The following LRP1B variants were observed in gnomAD, a reference collection of about 807,000 sequenced individuals.
LRP1B encodes the protein low-density lipoprotein receptor-related protein 1B.
Under a neutral mutation model 556.6 loss-of-function variants are expected in LRP1B, and 217 were observed. That is an observed-to-expected ratio of 0.39 (90% confidence interval 0.35 to 0.44). The LOEUF (loss-of-function observed/expected upper bound fraction) is 0.44. Among genes scored for constraint, LRP1B ranks in the 20% least tolerant of loss-of-function variants. The pLI, the probability that LRP1B is intolerant of heterozygous loss-of-function variation, is 1.00. For synonymous variants in LRP1B, 2,047 were observed against 1,865.8 expected (o/e 1.10, Z -2.50); for missense variants, 5,053 against 5,620.8 (o/e 0.90, Z 3.23).
intron 2 of LRP1B, among the ~76,000 whole-genome samples, chr2:141,669,587 C>T (rs1035118935): frequency 1.3e-5 from 2 of 152,022 alleles, no homozygotes; most frequent in Non-Finnish European, 2.9e-5. Flanking sequence ...CCTTTCATTG[C>T]AATTATTTAT....
chr2:142,029,096 C>T (rs902861194), intron 1 of LRP1B, among the ~76,000 whole-genome samples: 3 of 151,774 alleles, frequency 2.0e-5, no homozygotes, highest in African/African-American at 7.2e-5. Flanking sequence ...ATGACTCTCC[C>T]TCTTCTGTCC....
At chr2:140,583,171 C>CTTTTCTTTTTT (rs1553491151) in intron 43 of LRP1B, among the ~76,000 whole-genome samples, 29 of 48,020 alleles carry the variant, frequency 6.0e-4, no homozygotes, top group African/African-American at 1.5e-3. Flanking sequence ...CCTTTTTTTT[C>CTTTTCTTTTTT]TTTTTTTTTT....
intron 2 of LRP1B, among the ~76,000 whole-genome samples, chr2:141,702,621 G>C (rs1574260901): frequency 6.6e-6 from 1 of 151,984 alleles, no homozygotes; most frequent in East Asian, 1.9e-4. Flanking sequence ...CAGGTTAGTA[G>C]GGAGCTAGTG....
At chr2:141,284,573 A>G (rs1324707044) in intron 3 of LRP1B, among the ~76,000 whole-genome samples, 1 of 152,192 alleles carries the variant, frequency 6.6e-6, no homozygotes, top group African/African-American at 2.4e-5. Flanking sequence ...TAGTTAAAAG[A>G]TTTCCTCTAA....
chr2:140,892,386 T>C (rs985639836), intron 23 of LRP1B, among the ~76,000 whole-genome samples: 1 of 152,100 alleles, frequency 6.6e-6, no homozygotes, highest in Non-Finnish European at 1.5e-5. Context: ...GAAAAGGCAG[T>C]AATCTTAATA....
At chr2:141,056,751 CCTGT>C (rs2105458873) in intron 9 of LRP1B, among the ~76,000 whole-genome samples, 1 of 151,966 alleles carries the variant, frequency 6.6e-6, no homozygotes, top group African/African-American at 2.4e-5. Context: ...TTAAATGTGA[CCTGT>C]CTGTCAATGA....
At chr2:141,639,408 G>GTATA (rs200740931) in intron 2 of LRP1B, among the ~76,000 whole-genome samples, 511 of 44,370 alleles carry the variant, frequency 0.012, 12 homozygotes, top group Non-Finnish European at 0.017. Flanking sequence ...ATATATATGT[G>GTATA]TATATATATA....
At chr2:141,272,183 T>C (rs2679442) in intron 3 of LRP1B, among the ~76,000 whole-genome samples, 6,913 of 152,136 alleles carry the variant, frequency 0.045, 174 homozygotes, top group South Asian at 0.11. Flanking sequence ...ATAGCAATCA[T>C]ACAAGAAGAG....
intron 11 of LRP1B, among the ~76,000 whole-genome samples, chr2:141,041,518 C>CT (rs1454628662): frequency 6.6e-6 from 1 of 151,986 alleles, no homozygotes; most frequent in African/African-American, 2.4e-5. Context: ...CCCCTACTTC[C>CT]TCCTTTGTCC....
At chr2:140,938,534 G>A (rs1458085479) in intron 20 of LRP1B, among the ~76,000 whole-genome samples, 1 of 151,960 alleles carries the variant, frequency 6.6e-6, no homozygotes, top group Non-Finnish European at 1.5e-5. Context: ...GCAGTTACTG[G>A]GGGTTCATTT....
At chr2:140,858,516 G>GAA (rs1310808362) in intron 27 of LRP1B, among the ~76,000 whole-genome samples, 2 of 149,890 alleles carry the variant, frequency 1.3e-5, no homozygotes, top group Non-Finnish European at 3.0e-5. Flanking sequence ...GAGAGAGAGA[G>GAA]AGAGAGAGAG....
intron 2 of LRP1B, among the ~76,000 whole-genome samples, chr2:141,644,484 T>C (rs1371486945): frequency 6.6e-6 from 1 of 152,150 alleles, no homozygotes. Context: ...TATGTCTTTA[T>C]CAGCAGTGTG....
chr2:140,288,221 A>T (rs551857387), intron 84 of LRP1B, among the ~76,000 whole-genome samples: 1 of 151,546 alleles, frequency 6.6e-6, no homozygotes, highest in Admixed American at 6.6e-5. Flanking sequence ...CTTATCTATA[A>T]TAAGGATAAA....
chr2:140,772,397 C>G (rs930788120), intron 33 of LRP1B, among the ~76,000 whole-genome samples: 2 of 152,058 alleles, frequency 1.3e-5, no homozygotes, highest in African/African-American at 4.8e-5. Flanking sequence ...GCAACCTCCG[C>G]TTCCCAGGTT....
intron 3 of LRP1B, among the ~76,000 whole-genome samples, chr2:141,336,868 C>CTA (rs1687865615): frequency 6.6e-6 from 1 of 152,114 alleles, no homozygotes; most frequent in Admixed American, 6.5e-5. Context: ...CACGTTATGT[C>CTA]TATCAACAGT....
intron 75 of LRP1B, among the ~76,000 whole-genome samples, chr2:140,354,964 T>A (rs1682143096): frequency 6.6e-6 from 1 of 152,036 alleles, no homozygotes; most frequent in African/African-American, 2.4e-5. Flanking sequence ...TCCAATTATG[T>A]CTTACCCTTC....
At position 141,498,356 on chromosome 2, in the gene LRP1B, CTT is replaced by C. The variant is rs67454706; in HGVS notation, c.206-17825_206-17824del. Among the ~76,000 whole-genome samples, 358 of 144,120 alleles carry C rather than the reference CTT, an allele frequency of 2.5e-3. 1 individual carries two copies. Among genetic ancestry groups the C allele is most frequent in the Non-Finnish European group, 3.8e-3 (251 of 66,178 alleles). The allele number at this position is 144,120 out of a possible 152,430, so 94.5% of individuals were successfully genotyped here. A position where few individuals can be genotyped will look rare whatever the true frequency, so the allele number is the denominator to read the frequency against. The stretch of plus-strand genomic sequence containing the variant: ...AGTCCCAGACAACATCTTTAAAATC[CTT>C]TTTTTTTTTTTTCTTTTTTGGCTAA... On this transcript the variant is annotated intron_variant, in intron 2 of 90. Transcript: ENST00000389484.
intron 2 of LRP1B, among the ~76,000 whole-genome samples, chr2:141,679,289 G>A (rs577477005): frequency 1.6e-4 from 24 of 152,250 alleles, no homozygotes; most frequent in African/African-American, 5.3e-4. Flanking sequence ...GCAGACATAT[G>A]TATTTAGGCC....
At chr2:140,825,896 G>C (rs182419964) in intron 31 of LRP1B, among the ~76,000 whole-genome samples, 1 of 152,172 alleles carries the variant, frequency 6.6e-6, no homozygotes, top group South Asian at 2.1e-4. Flanking sequence ...GTGATACCCA[G>C]TCATTCAATC....
Sources: gnomAD v4.1 joint callset for allele counts (sites outside exome capture counted in the v4.1 genomes callset) on GRCh38, gnomAD v4.1.1 for gene constraint, MANE v1.5 for transcripts, NCBI Gene and HGNC (gene_info 2026-07-23, HGNC 2026-07-21) for gene names.